Variants in CAPN9 observed in about 807,000 individuals in gnomAD.
CAPN9 encodes the protein calpain 9.
A neutral mutation model predicts 92.8 loss-of-function variants in CAPN9; 81 were observed. The ratio of observed to expected loss-of-function variants is 0.87; its 90% confidence interval spans 0.73 to 1.05. The LOEUF is 1.05. Among genes scored for constraint, CAPN9 ranks in the 50% least tolerant of loss-of-function variants. The probability of loss-of-function intolerance (pLI) is 0.00; values close to 1 mark genes in which losing one functional copy is unlikely to be tolerated. For missense variants in CAPN9, 848 were observed against 866.2 expected (o/e 0.98, Z 0.26); for synonymous variants, 304 against 328.0 (o/e 0.93, Z 0.79).
At chr1:230,791,987 G>A in intron 15 of CAPN9, 59 bp downstream of exon 15, 1 of 1,223,732 alleles carries the variant, frequency 8.2e-7, no homozygotes, top group South Asian at 1.2e-5. Flanking sequence ...AAGCACAGTA[G>A]AGTAATCTTC....
At chr1:230,747,835 A>T (rs1664523307) in intron 1 of CAPN9, 126 bp downstream of exon 1, 2 of 808,164 alleles carry the variant, frequency 2.5e-6, no homozygotes, top group Admixed American at 4.3e-5. Context: ...GCATCATCCC[A>T]GTCTACCGTG....
intron 18 of CAPN9, 58 bp from the exon 19 acceptor site, chr1:230,798,104 C>A: frequency 7.4e-7 from 1 of 1,345,680 alleles, no homozygotes; most frequent in Non-Finnish European, 1.1e-6. Context: ...CGCTGGGAAA[C>A]AAACTTGGTA....
intron 12 of CAPN9, 51 bp from the exon 13 acceptor site, chr1:230,787,471 T>A: frequency 6.6e-7 from 1 of 1,506,300 alleles, no homozygotes; most frequent in South Asian, 1.1e-5. Context: ...ATTTTTGTCA[T>A]GTTTCTTTTT....
At chr1:230,797,818 T>C (rs1247224408) in intron 18 of CAPN9, among the ~76,000 whole-genome samples, 1 of 152,188 alleles carries the variant, frequency 6.6e-6, no homozygotes, top group Non-Finnish European at 1.5e-5. Context: ...AAACTTTACG[T>C]GCGTGTGCTT....
intron 6 of CAPN9, among the ~76,000 whole-genome samples, chr1:230,771,370 C>A (rs981582260): frequency 6.6e-6 from 1 of 152,202 alleles, no homozygotes; most frequent in Admixed American, 6.5e-5. Flanking sequence ...ATGCATTGGC[C>A]CTTGTCCCTG....
intron 12 of CAPN9, chr1:230,786,318 A>G (rs1425240385): frequency 4.1e-6 from 1 of 245,140 alleles, no homozygotes; most frequent in Non-Finnish European, 6.5e-6. Flanking sequence ...TCTCTAAAAG[A>G]AAAGCTATTT....
chr1:230,763,767 G>C (rs996287627), intron 4 of CAPN9, among the ~76,000 whole-genome samples: 1 of 152,226 alleles, frequency 6.6e-6, no homozygotes, highest in Non-Finnish European at 1.5e-5. Flanking sequence ...AATTAATCCT[G>C]AAATCAGCAG....
rs879746934 is a variant in CAPN9, at chr1:230,757,044, GGAAGGAAGGAAGGAAGGAAGGAAA to G, written c.283+1640_283+1663del. 1.8e-3 allele frequency among the ~76,000 whole-genome samples: 233 copies of G among 129,732 alleles called. 1 individual carries two copies. The highest frequency in any genetic ancestry group is 2.2e-3 in the Non-Finnish European group (132 of 59,194). The allele number at this position is 129,732 out of a possible 152,430, so 85.1% of individuals were successfully genotyped here. ...AGGAAGGAAGGAAGGAAGGAAGGAA[GGAAGGAAGGAAGGAAGGAAGGAAA>G]GGAGAAAATATACTATTCCAGGATT... On this transcript the variant is annotated intron_variant, in intron 2 of 19. Transcript: ENST00000271971.
chr1:230,773,453 G>A (rs1361884450), intron 7 of CAPN9, among the ~76,000 whole-genome samples: 1 of 152,150 alleles, frequency 6.6e-6, no homozygotes, highest in Non-Finnish European at 1.5e-5. Flanking sequence ...ATGGGCCATT[G>A]TCTCCCATTT....
intron 3 of CAPN9, among the ~76,000 whole-genome samples, chr1:230,760,810 T>C (rs1665585311): frequency 1.3e-5 from 2 of 152,104 alleles, no homozygotes; most frequent in South Asian, 2.1e-4. Context: ...AGGGTGGCAG[T>C]GTTGGGGGTG....
At chr1:230,751,446 G>A (rs891034329) in intron 1 of CAPN9, among the ~76,000 whole-genome samples, 1 of 151,126 alleles carries the variant, frequency 6.6e-6, no homozygotes, top group South Asian at 2.1e-4. Context: ...AAGAGAGAAG[G>A]AGAGGAAGAG....
intron 4 of CAPN9, among the ~76,000 whole-genome samples, chr1:230,764,521 G>C (rs369229670): frequency 2.6e-5 from 4 of 152,316 alleles, no homozygotes; most frequent in African/African-American, 9.6e-5. Flanking sequence ...GTAACTATGA[G>C]AGCCAATTTC....
At chr1:230,755,557 G>C in intron 2 of CAPN9, 151 bp downstream of exon 2, 3 of 594,688 alleles carry the variant, frequency 5.0e-6, no homozygotes, top group Non-Finnish European at 8.8e-6. Flanking sequence ...CCTCTGAATG[G>C]AGTCCAGTGG....
chr1:230,755,686 C>G (rs1665179223), intron 2 of CAPN9, among the ~76,000 whole-genome samples: 1 of 152,234 alleles, frequency 6.6e-6, no homozygotes, highest in African/African-American at 2.4e-5. Context: ...CTCTCCTACA[C>G]CACCACAGTA....
intron 2 of CAPN9, 49 bp downstream of exon 2, chr1:230,755,455 G>A (rs202072294): frequency 2.7e-6 from 4 of 1,463,258 alleles, no homozygotes; most frequent in Non-Finnish European, 3.8e-6. Flanking sequence ...GAGTCACTGG[G>A]ACAGGCAAGC....
In CAPN9 at chr1:230,792,928, G is replaced by A. The variant is rs1668106726; in HGVS notation, c.1870G>A (p.Gly624Ser). ...YELRTALKAA[G>S]FQLSSHLLQL... Reference sequence around the variant, plus strand: ...ACTACGGACTGCACTGAAAGCTGCAGGTAAAGAAAAGACTGGAGTACAGGT... The same window carrying A: ...ACTACGGACTGCACTGAAAGCTGCAAGTAAAGAAAAGACTGGAGTACAGGT... Residue 624 changes from glycine to serine, a missense_variant and splice_region_variant, in exon 17 of 20, where the codon GGC becomes AGC. Gly to Ser is a moderately conservative substitution (Grantham distance 56, BLOSUM62 0). Coordinates refer to ENST00000271971, the MANE Select transcript of CAPN9 (RefSeq NM_006615.3). The A allele has an allele frequency of 1.2e-6, 2 of 1,612,372 alleles. No individual in the cohort carries two copies. The highest frequency in any genetic ancestry group is 1.7e-6 in the Non-Finnish European group (2 of 1,178,540).
At chr1:230,776,341 C>T (rs1456462846) in intron 8 of CAPN9, 3 of 152,218 alleles carry the variant, frequency 2.0e-5, no homozygotes, top group Middle Eastern at 3.2e-3. Flanking sequence ...GACACTACTA[C>T]TTCGAGGGTT....
At chr1:230,751,945 C>T (rs1018986506) in intron 1 of CAPN9, among the ~76,000 whole-genome samples, 11 of 151,968 alleles carry the variant, frequency 7.2e-5, no homozygotes, top group Admixed American at 7.2e-4. Context: ...TTGTCAAGAC[C>T]CCTGCAATTG....
In CAPN9 at chr1:230,751,628, A is replaced by G. The variant is rs1311810064; in HGVS notation, c.214-3709A>G. Among the ~76,000 whole-genome samples the G allele has an allele frequency of 9.6e-5, 8 of 83,142 alleles. 1 individual carries two copies. Among genetic ancestry groups the G allele is most frequent in the African/African-American group, 4.9e-4 (8 of 16,254 alleles). 54.5% of individuals were successfully genotyped at this position (83,142 alleles called of 152,430 possible). A position where few individuals can be genotyped will look rare whatever the true frequency, so the allele number is the denominator to read the frequency against. On this transcript the variant is annotated intron_variant, in intron 1 of 19. Coordinates refer to ENST00000271971, the MANE Select transcript of CAPN9 (RefSeq NM_006615.3). ...AAGAAAGAGAAAGAAAGAAAGAAAG[A>G]AAGAAAGAAAGAAAGAAAGAAAGAA...
Sources: gnomAD v4.1 joint callset for allele counts (sites outside exome capture counted in the v4.1 genomes callset) on GRCh38, gnomAD v4.1.1 for gene constraint, MANE v1.5 for transcripts, NCBI Gene and HGNC (gene_info 2026-07-23, HGNC 2026-07-21) for gene names.